MYO1D: variants seen among roughly 807,000 people sequenced by gnomAD.
MYO1D encodes the protein myosin ID.
A neutral mutation model predicts 122.0 loss-of-function variants in MYO1D; 83 were observed. The ratio of observed to expected loss-of-function variants is 0.68; its 90% CI spans 0.57 to 0.82. MYO1D has a LOEUF of 0.82. Among genes scored for constraint, MYO1D ranks in the 40% least tolerant of loss-of-function variants. The pLI, the probability that MYO1D is intolerant of heterozygous loss-of-function variation, is 0.00. For missense variants in MYO1D, 1,157 were observed against 1,269.5 expected (o/e 0.91, Z 1.35); for synonymous variants, 464 against 446.9 (o/e 1.04, Z -0.48).
At chr17:32,712,488 T>C (rs923318370) in intron 15 of MYO1D, among the ~76,000 whole-genome samples, 5 of 152,158 alleles carry the variant, frequency 3.3e-5, no homozygotes, top group African/African-American at 1.2e-4. Flanking sequence ...GAAACATTCT[T>C]TTTACAAACA....
At chr17:32,654,668 C>T (rs746979701) in intron 17 of MYO1D, 47 bp from the exon 18 acceptor site, 1 of 1,470,100 alleles carries the variant, frequency 6.8e-7, no homozygotes, top group South Asian at 1.3e-5. Flanking sequence ...AATGCAATCC[C>T]ATGCATTCTC....
rs890611648 is a variant in MYO1D at position 32,796,572 on chromosome 17, C to A, written c.96-15788G>T. ...GGACTACAGGCGCGGGCCACCACAT[C>A]CAGCTAATTTTTGTATTTCTTGTAG... is the stretch of plus-strand genomic sequence containing the variant. On this transcript the variant is annotated intron_variant, in intron 1 of 21. Coordinates refer to ENST00000318217, the MANE Select transcript of MYO1D (RefSeq NM_015194.3). 4.6e-5 allele frequency among the ~76,000 whole-genome samples: 7 copies of A among 152,200 alleles called. No individual in the cohort carries two copies. In the East Asian group the frequency reaches 1.4e-3, roughly 29 times the overall value.
chr17:32,517,687 C>T (rs765313189), intron 21 of MYO1D, among the ~76,000 whole-genome samples: 1 of 152,168 alleles, frequency 6.6e-6, no homozygotes, highest in Non-Finnish European at 1.5e-5. Context: ...GAGCTGGCCC[C>T]GCTTTGCTTC....
chr17:32,796,042 G>T (rs890624536), intron 1 of MYO1D, among the ~76,000 whole-genome samples: 1 of 152,108 alleles, frequency 6.6e-6, no homozygotes, highest in Admixed American at 6.6e-5. Context: ...CAGGCATGAA[G>T]ATTTAAACCA....
intron 21 of MYO1D, among the ~76,000 whole-genome samples, chr17:32,570,404 G>A (rs886232660): frequency 1.3e-5 from 2 of 151,670 alleles, no homozygotes; most frequent in South Asian, 2.1e-4. Context: ...TCGCTGTGTC[G>A]CCCAGGCTGG....
intron 8 of MYO1D, 129 bp downstream of exon 8, chr17:32,764,749 G>T: frequency 1.0e-6 from 1 of 986,324 alleles, no homozygotes; most frequent in Non-Finnish European, 1.5e-6. Flanking sequence ...TGTATGGCCA[G>T]AAAGTATCAT....
At chr17:32,518,487 G>C (rs1397707009) in intron 21 of MYO1D, 3 of 152,294 alleles carry the variant, frequency 2.0e-5, no homozygotes, top group Admixed American at 2.0e-4. Context: ...TGATTTTAAA[G>C]AGTGAATAAG....
chr17:32,761,217 A>G (rs1187375367), intron 8 of MYO1D, among the ~76,000 whole-genome samples: 1 of 152,150 alleles, frequency 6.6e-6, no homozygotes, highest in Non-Finnish European at 1.5e-5. Flanking sequence ...GCAACGTCAC[A>G]TCGTTAGAAA....
chr17:32,713,589 C>T (rs912145930), intron 15 of MYO1D, among the ~76,000 whole-genome samples: 2 of 151,956 alleles, frequency 1.3e-5, no homozygotes. Context: ...TTTTAAAGAC[C>T]CAAAGCACCC....
chr17:32,614,708 A>G (rs1319844317), intron 20 of MYO1D, among the ~76,000 whole-genome samples: 1 of 152,174 alleles, frequency 6.6e-6, no homozygotes, highest in Non-Finnish European at 1.5e-5. Context: ...AAATGGTGGA[A>G]GCTGTGGCAT....
At chr17:32,702,749 G>T (rs2089263531) in intron 16 of MYO1D, among the ~76,000 whole-genome samples, 1 of 152,178 alleles carries the variant, frequency 6.6e-6, no homozygotes. Flanking sequence ...ATAAAGACAT[G>T]TCTGTAGTTT....
intron 1 of MYO1D, among the ~76,000 whole-genome samples, chr17:32,784,955 T>G (rs1463023819): frequency 6.6e-6 from 1 of 152,124 alleles, no homozygotes; most frequent in South Asian, 2.1e-4. Context: ...AAAACCAGGC[T>G]TAGGGAGTTT....
intron 1 of MYO1D, among the ~76,000 whole-genome samples, chr17:32,819,186 C>G (rs936570834): frequency 1.3e-5 from 2 of 151,002 alleles, no homozygotes; most frequent in African/African-American, 2.4e-5. Context: ...AATGCTTCAT[C>G]ATGTAGAAGT....
intron 12 of MYO1D, among the ~76,000 whole-genome samples, chr17:32,746,151 A>T (rs28718364): frequency 0.036 from 5,477 of 152,260 alleles, 328 homozygotes; most frequent in African/African-American, 0.12. Flanking sequence ...CCTGCAAGAA[A>T]GTTCCTTCAG....
intron 20 of MYO1D, among the ~76,000 whole-genome samples, chr17:32,630,262 C>T (rs896953124): frequency 6.6e-6 from 1 of 152,166 alleles, no homozygotes; most frequent in Non-Finnish European, 1.5e-5. Flanking sequence ...CAGTGTCTCA[C>T]TATTTTACCC....
At chr17:32,637,912 G>A (rs2150938709) in intron 20 of MYO1D, among the ~76,000 whole-genome samples, 1 of 152,174 alleles carries the variant, frequency 6.6e-6, no homozygotes, top group South Asian at 2.1e-4. Flanking sequence ...AAATAAAACT[G>A]TAAAACAATA....
At chr17:32,793,938 A>G (rs2090386168) in intron 1 of MYO1D, among the ~76,000 whole-genome samples, 1 of 152,236 alleles carries the variant, frequency 6.6e-6, no homozygotes, top group South Asian at 2.1e-4. Context: ...CAGCACAATA[A>G]TACCAAGTCG....
At chr17:32,569,128 T>C (rs747684261) in intron 21 of MYO1D, among the ~76,000 whole-genome samples, 18 of 152,214 alleles carry the variant, frequency 1.2e-4, no homozygotes, top group South Asian at 2.1e-4. Context: ...TAAATAGATG[T>C]TTATGACTAA....
chr17:32,740,626 T>C (rs1207079189), intron 13 of MYO1D, among the ~76,000 whole-genome samples: 1 of 152,086 alleles, frequency 6.6e-6, no homozygotes, highest in African/African-American at 2.4e-5. Context: ...TACAGGCACG[T>C]GCCACCATGC....
Sources: allele counts gnomAD v4.1 joint callset (sites outside exome capture counted in the v4.1 genomes callset), GRCh38; gene constraint gnomAD v4.1.1; transcripts MANE v1.5; gene names NCBI Gene and HGNC (gene_info 2026-07-23, HGNC 2026-07-21).